The following NRG3 variants were observed in gnomAD, a reference collection of about 807,000 sequenced individuals.
NRG3 encodes neuregulin 3.
A neutral mutation model predicts 66.9 loss-of-function variants in NRG3; 31 were observed. The observed-to-expected ratio is 0.46, with a 90% CI of 0.35 to 0.63. NRG3 has a LOEUF of 0.63. Ranked by LOEUF, NRG3 falls within the 20% of genes least tolerant of loss-of-function variation. The pLI is 0.00. For missense variants in NRG3, 910 were observed against 878.9 expected (o/e 1.04, Z -0.45); for synonymous variants, 393 against 359.4 (o/e 1.09, Z -1.06).
chr10:82,274,463 A>C (rs2078746008), intron 1 of NRG3, among the ~76,000 whole-genome samples: 1 of 151,994 alleles, frequency 6.6e-6, no homozygotes, highest in Non-Finnish European at 1.5e-5. Context: ...TTTCACAGTA[A>C]GTAGTTTATT....
Position 81,876,023 on chromosome 10 carries a change from C to T in NRG3, c.683C>T (p.Ala228Val). ...TQAMPSWPTAAYATSSYLHDS... is the reference protein window; with the variant it reads ...TQAMPSWPTAVYATSSYLHDS... The stretch of plus-strand genomic sequence containing the variant: ...GCAATGCCCTCCTGGCCTACTGCGG[C>T]ATACGCTACCTCCTCCTACCTTCAC... The change falls in exon 1 of 9, where the codon GCA becomes GTA. Residue 228 changes from alanine to valine, a missense_variant. By Grantham distance (64) the Ala-to-Val change is moderately conservative. Coordinates refer to ENST00000372141, the MANE Select transcript of NRG3 (RefSeq NM_001010848.4). 1 of 1,614,066 alleles carries T rather than the reference C, an allele frequency of 6.2e-7. No homozygotes were observed. Among genetic ancestry groups the T allele is most frequent in the South Asian group, 1.1e-5 (1 of 91,086 alleles).
intron 2 of NRG3, among the ~76,000 whole-genome samples, chr10:82,458,987 C>T (rs2091394726): frequency 6.6e-6 from 1 of 152,154 alleles, no homozygotes; most frequent in Non-Finnish European, 1.5e-5. Flanking sequence ...CATTCACTGG[C>T]AGTTTCTCTT....
At chr10:82,306,177 T>C (rs1189020006) in intron 1 of NRG3, among the ~76,000 whole-genome samples, 1 of 152,244 alleles carries the variant, frequency 6.6e-6, no homozygotes, top group Non-Finnish European at 1.5e-5. Context: ...ATGCTTGGAT[T>C]ATTTGTATTA....
chr10:82,815,491 T>G (rs11196079), intron 3 of NRG3, among the ~76,000 whole-genome samples: 19 of 152,262 alleles, frequency 1.2e-4, no homozygotes, highest in Non-Finnish European at 2.2e-4. Context: ...CCTCAAAAAT[T>G]TTCTCTTCCT....
At chr10:82,737,803 C>T (rs921070895) in intron 2 of NRG3, among the ~76,000 whole-genome samples, 1 of 152,112 alleles carries the variant, frequency 6.6e-6, no homozygotes, top group South Asian at 2.1e-4. Context: ...TGTGAAGACC[C>T]GACAGGGGCC....
chr10:82,620,675 G>C (rs11595642), intron 2 of NRG3, among the ~76,000 whole-genome samples: 1 of 152,040 alleles, frequency 6.6e-6, no homozygotes, highest in East Asian at 1.9e-4. Context: ...CAAAAAGAAA[G>C]AATCAGGAGA....
chr10:82,228,535 T>G lies in NRG3; in HGVS notation c.824-130204T>G, dbSNP rs1199192480. Among the ~76,000 whole-genome samples the G allele has an allele frequency of 4.6e-5, 7 of 152,316 alleles. No homozygotes were observed. The South Asian group carries it at 1.5e-3, about 32-fold the overall frequency. On this transcript the variant is annotated intron_variant, in intron 1 of 8. Coordinates refer to ENST00000372141, the MANE Select transcript of NRG3 (RefSeq NM_001010848.4). ...TAACTTCCCAGGACTTTTTTCATTTTTTTTTTATTGGGGATAGTATTAGTT... is the reference window on the plus strand; with the variant it reads ...TAACTTCCCAGGACTTTTTTCATTTGTTTTTTATTGGGGATAGTATTAGTT...
At chr10:82,621,610 A>T (rs2049044486) in intron 2 of NRG3, among the ~76,000 whole-genome samples, 1 of 152,206 alleles carries the variant, frequency 6.6e-6, no homozygotes, top group Non-Finnish European at 1.5e-5. Context: ...ATAAAAGGTA[A>T]TTGATTTAAC....
chr10:81,920,446 C>T (rs1179425794), intron 1 of NRG3, among the ~76,000 whole-genome samples: 2 of 152,092 alleles, frequency 1.3e-5, no homozygotes, highest in East Asian at 3.9e-4. Context: ...CTCCTTCCTT[C>T]TAAGCATTGA....
intron 3 of NRG3, among the ~76,000 whole-genome samples, chr10:82,766,154 T>C (rs183136519): frequency 6.6e-6 from 1 of 152,208 alleles, no homozygotes; most frequent in Admixed American, 6.5e-5. Flanking sequence ...GTTATTTTGA[T>C]ACATTTGTTG....
intron 2 of NRG3, among the ~76,000 whole-genome samples, chr10:82,630,550 C>T (rs1340168150): frequency 6.6e-6 from 1 of 151,648 alleles, no homozygotes; most frequent in Non-Finnish European, 1.5e-5. Context: ...TGGTGGTGGG[C>T]ATCTGTAATC....
At chr10:82,527,570 A>C (rs1846842067) in intron 2 of NRG3, among the ~76,000 whole-genome samples, 2 of 152,156 alleles carry the variant, frequency 1.3e-5, no homozygotes, top group Admixed American at 6.5e-5. Context: ...AGCCAATTTG[A>C]AACTATTTTA....
At chr10:82,581,309 A>T (rs1590753721) in intron 2 of NRG3, among the ~76,000 whole-genome samples, 1 of 152,134 alleles carries the variant, frequency 6.6e-6, no homozygotes, top group East Asian at 1.9e-4. Context: ...AGTTTAAAAA[A>T]TTCCTTATAT....
chr10:82,151,971 A>T (rs999523245), intron 1 of NRG3, among the ~76,000 whole-genome samples: 9 of 152,260 alleles, frequency 5.9e-5, no homozygotes, highest in Non-Finnish European at 1.3e-4. Context: ...TTAAATAGAT[A>T]GAATATAAAA....
intron 1 of NRG3, among the ~76,000 whole-genome samples, chr10:82,014,677 T>C (rs773692778): frequency 2.6e-5 from 4 of 152,120 alleles, no homozygotes; most frequent in Non-Finnish European, 5.9e-5. Flanking sequence ...GCACAAGTGT[T>C]TGAATGGGCT....
chr10:82,347,364 A>T (rs367656596), intron 1 of NRG3, among the ~76,000 whole-genome samples: 6 of 151,932 alleles, frequency 3.9e-5, no homozygotes, highest in East Asian at 1.9e-4. Flanking sequence ...AGTTTCCATG[A>T]AGTTGAGTGG....
intron 3 of NRG3, among the ~76,000 whole-genome samples, chr10:82,792,643 T>C (rs916391128): frequency 1.3e-5 from 2 of 152,214 alleles, no homozygotes; most frequent in East Asian, 3.9e-4. Context: ...ATTTTTAGGA[T>C]GATTTAATTA....
intron 1 of NRG3, among the ~76,000 whole-genome samples, chr10:82,072,189 T>C (rs1038807848): frequency 1.1e-4 from 16 of 152,222 alleles, no homozygotes; most frequent in African/African-American, 3.6e-4. Context: ...TTTTCTCACC[T>C]AAAAATGTAT....
intron 2 of NRG3, among the ~76,000 whole-genome samples, chr10:82,455,391 T>G (rs2091222014): frequency 1.3e-5 from 2 of 152,092 alleles, no homozygotes; most frequent in African/African-American, 4.8e-5. Flanking sequence ...GACACAATGG[T>G]AAGTATTACT....
Sources: allele counts gnomAD v4.1 joint callset (sites outside exome capture counted in the v4.1 genomes callset), GRCh38; gene constraint gnomAD v4.1.1; transcripts MANE v1.5; gene names NCBI Gene and HGNC (gene_info 2026-07-23, HGNC 2026-07-21).